Variants in TIAM1 observed in about 807,000 individuals in gnomAD.
TIAM1 encodes rho guanine nucleotide exchange factor TIAM1.
Under a neutral mutation model 163.5 loss-of-function variants are expected in TIAM1, and 65 were observed. That is an observed-to-expected ratio of 0.40 (90% CI 0.33 to 0.49). TIAM1 has a LOEUF of 0.49. TIAM1 is among the 20% of genes least tolerant of loss of function. The pLI is 0.77. For synonymous variants in TIAM1, 833 were observed against 810.1 expected (o/e 1.03, Z -0.48); for missense variants, 1,789 against 2,044.7 (o/e 0.87, Z 2.41).
At chr21:31,144,658 G>A (rs1210978442) in intron 20 of TIAM1, among the ~76,000 whole-genome samples, 3 of 151,358 alleles carry the variant, frequency 2.0e-5, no homozygotes, top group Non-Finnish European at 3.0e-5. Flanking sequence ...TGAGACCCCC[G>A]TCTCTACTAA....
intron 13 of TIAM1, among the ~76,000 whole-genome samples, chr21:31,192,392 TG>T (rs1418726884): frequency 6.6e-6 from 1 of 151,762 alleles, no homozygotes; most frequent in Non-Finnish European, 1.5e-5. Context: ...CCGAGGTGGG[TG>T]GATCAGTTGA....
intron 23 of TIAM1, among the ~76,000 whole-genome samples, chr21:31,132,264 T>C (rs2082440006): frequency 6.6e-6 from 1 of 152,196 alleles, no homozygotes; most frequent in Non-Finnish European, 1.5e-5. Context: ...AAGATCATGC[T>C]AATCTCCACT....
chr21:31,311,172 G>T (rs1386379944), intron 2 of TIAM1, among the ~76,000 whole-genome samples: 1 of 147,064 alleles, frequency 6.8e-6, no homozygotes, highest in Non-Finnish European at 1.5e-5. Context: ...TGTTTGTTTT[G>T]TTTTTTTTTT....
At chr21:31,474,059 G>A (rs934222520) in intron 1 of TIAM1, among the ~76,000 whole-genome samples, 1 of 152,128 alleles carries the variant, frequency 6.6e-6, no homozygotes, top group African/African-American at 2.4e-5. Context: ...GCGAGAGAGA[G>A]CGCAAGAGAG....
At chr21:31,387,575 T>C (rs1020489475) in intron 2 of TIAM1, among the ~76,000 whole-genome samples, 1 of 151,700 alleles carries the variant, frequency 6.6e-6, no homozygotes, top group Non-Finnish European at 1.5e-5. Context: ...TCTGACGATG[T>C]TGGGAAGGGG....
intron 2 of TIAM1, among the ~76,000 whole-genome samples, chr21:31,408,120 C>T (rs2077281427): frequency 6.6e-6 from 1 of 152,196 alleles, no homozygotes; most frequent in Non-Finnish European, 1.5e-5. Flanking sequence ...GACATCAGTT[C>T]TGTTAAAAAC....
chr21:31,516,863 A>T (rs1025826304), intron 1 of TIAM1, among the ~76,000 whole-genome samples: 1 of 151,766 alleles, frequency 6.6e-6, no homozygotes, highest in Non-Finnish European at 1.5e-5. Flanking sequence ...CAGCCTGACC[A>T]ATATGGTGAA....
At chr21:31,156,668 G>C (rs148917969) in intron 16 of TIAM1, among the ~76,000 whole-genome samples, 1 of 152,258 alleles carries the variant, frequency 6.6e-6, no homozygotes, top group Non-Finnish European at 1.5e-5. Context: ...GTGTCTTTTA[G>C]ATGATCCAGT....
chr21:31,499,012 G>GGGAGT (rs1478799161), intron 1 of TIAM1, among the ~76,000 whole-genome samples: 2 of 151,252 alleles, frequency 1.3e-5, no homozygotes, highest in Non-Finnish European at 2.9e-5. Context: ...GGGAGGGGAG[G>GGGAGT]GGGAAAGGAA....
chr21:31,487,856 CT>C (rs1228543292), intron 1 of TIAM1, among the ~76,000 whole-genome samples: 1 of 152,060 alleles, frequency 6.6e-6, no homozygotes, highest in African/African-American at 2.4e-5. Context: ...CGCGCCCGGC[CT>C]TTTTTTGTAT....
intron 2 of TIAM1, among the ~76,000 whole-genome samples, chr21:31,391,350 C>T (rs978495350): frequency 3.9e-5 from 6 of 152,076 alleles, no homozygotes; most frequent in African/African-American, 7.2e-5. Flanking sequence ...CTAGGCCGGG[C>T]GCAATGGCTC....
At chr21:31,309,800 G>A (rs953506073) in intron 2 of TIAM1, among the ~76,000 whole-genome samples, 4 of 152,196 alleles carry the variant, frequency 2.6e-5, no homozygotes, top group Non-Finnish European at 4.4e-5. Context: ...AATCCATCAT[G>A]CGTGACCAGA....
At chr21:31,557,148 A>T (rs1267731145) in intron 1 of TIAM1, among the ~76,000 whole-genome samples, 1 of 152,224 alleles carries the variant, frequency 6.6e-6, no homozygotes, top group Non-Finnish European at 1.5e-5. Context: ...ACTAAAACCT[A>T]ATGGAAATTC....
intron 2 of TIAM1, among the ~76,000 whole-genome samples, chr21:31,406,451 G>C (rs1195073892): frequency 6.6e-6 from 1 of 152,048 alleles, no homozygotes; most frequent in Non-Finnish European, 1.5e-5. Flanking sequence ...TTAGAATCCT[G>C]CTTCATTATA....
Position 31,234,233 on chromosome 21 carries a change from G to A in TIAM1, c.1585-8283C>T, listed in dbSNP as rs376861741. Among the ~76,000 whole-genome samples, 11 of 151,952 alleles carry A rather than the reference G, an allele frequency of 7.2e-5. No homozygotes were observed. In the South Asian group the frequency reaches 2.3e-3, roughly 32 times the overall value. ...TAAAATCTACACAACCCTTGGAGATGCAAGGGAATCTAAAACTATAAACAA... is the reference window on the plus strand; with the variant it reads ...TAAAATCTACACAACCCTTGGAGATACAAGGGAATCTAAAACTATAAACAA... On this transcript the variant is annotated intron_variant, in intron 6 of 27. Transcript: ENST00000541036.
intron 20 of TIAM1, among the ~76,000 whole-genome samples, chr21:31,144,616 T>C (rs933177595): frequency 1.3e-5 from 2 of 151,790 alleles, no homozygotes; most frequent in African/African-American, 2.4e-5. Context: ...TCACCTGAGG[T>C]CAGGAGTTCA....
chr21:31,195,220 T>C lies in TIAM1; in HGVS notation c.2575+4A>G. Reference sequence around the variant, plus strand: ...AAAACACAAACAAAGAAAAATAAACTTACCGTAAGTATCAGCAGCTGTATC... The same window carrying C: ...AAAACACAAACAAAGAAAAATAAACCTACCGTAAGTATCAGCAGCTGTATC... On this transcript the variant is annotated splice_donor_region_variant and intron_variant, in intron 13 of 27. Transcript: ENST00000541036. The C allele has an allele frequency of 6.2e-7, 1 of 1,606,206 alleles. No individual in the cohort carries two copies. The highest frequency in any genetic ancestry group is 8.5e-7 in the Non-Finnish European group (1 of 1,174,084).
At chr21:31,443,923 C>T (rs1330159334) in intron 2 of TIAM1, among the ~76,000 whole-genome samples, 1 of 152,180 alleles carries the variant, frequency 6.6e-6, no homozygotes, top group Non-Finnish European at 1.5e-5. Flanking sequence ...TCAGACAGAG[C>T]TGGCTTCCAT....
chr21:31,345,678 C>A (rs779812546), upstream of TIAM1, among the ~76,000 whole-genome samples: 1 of 152,062 alleles, frequency 6.6e-6, no homozygotes, highest in Non-Finnish European at 1.5e-5. Flanking sequence ...AGAATGGGCA[C>A]GGTGGCTCAC....
Sources: allele counts gnomAD v4.1 joint callset (sites outside exome capture counted in the v4.1 genomes callset), GRCh38; gene constraint gnomAD v4.1.1; transcripts MANE v1.5; gene names NCBI Gene and HGNC (gene_info 2026-07-23, HGNC 2026-07-21).